TOM1L2: variants seen among roughly 807,000 people sequenced by gnomAD.
TOM1L2 encodes the protein target of myb1 like 2 membrane trafficking protein, also known as TOM1-like protein 2.
In TOM1L2, 31 loss-of-function variants were observed where a neutral mutation model predicts 67.9. The ratio of observed to expected loss-of-function variants is 0.46; its 90% CI spans 0.34 to 0.62. The LOEUF (loss-of-function observed/expected upper bound fraction) is 0.62, where lower values mean the gene tolerates loss of function less well. TOM1L2 is among the 20% of genes least tolerant of loss of function. TOM1L2 has a pLI of 0.01. For synonymous variants in TOM1L2, 256 were observed against 254.0 expected, an observed-to-expected ratio of 1.01 and a Z score of -0.07; for missense variants, 606 against 663.5, an observed-to-expected ratio of 0.91 and a Z score of 0.95.
chr17:17,857,776 T>C (rs1003382197), intron 12 of TOM1L2: 38 of 1,535,484 alleles, frequency 2.5e-5, no homozygotes, highest in Middle Eastern at 1.7e-4. Context: ...CACCATTCCT[T>C]GGGTTATAAG....
intron 2 of TOM1L2, among the ~76,000 whole-genome samples, chr17:17,900,314 G>A (rs1428008258): frequency 6.6e-6 from 1 of 151,722 alleles, no homozygotes; most frequent in Admixed American, 6.6e-5. Context: ...GAGGTCAGGA[G>A]TTCAAGACCA....
At chr17:17,881,260 G>A (rs144000106) in intron 6 of TOM1L2, among the ~76,000 whole-genome samples, 46 of 152,236 alleles carry the variant, frequency 3.0e-4, no homozygotes, top group Middle Eastern at 3.4e-3. Flanking sequence ...GAAGGCCCAG[G>A]AAGGCTATGG....
chr17:17,972,388 C>A lies in TOM1L2; in HGVS notation c.-75G>T. 6.5e-7 allele frequency: 1 copy of A among 1,538,070 alleles called. No homozygotes were observed. Among genetic ancestry groups the A allele is most frequent in the East Asian group, 2.5e-5 (1 of 40,674 alleles). The stretch of plus-strand genomic sequence containing the variant: ...CCTCCGCTGTAACCCGCCGGACTCC[C>A]GTCCTGACTGACACTTGCCCCCTCC... On this transcript the variant is annotated 5_prime_UTR_variant, in exon 1 of 15. Transcript: ENST00000379504.
intron 1 of TOM1L2, among the ~76,000 whole-genome samples, chr17:17,943,993 T>A (rs1382365745): frequency 6.6e-6 from 1 of 152,210 alleles, no homozygotes; most frequent in Non-Finnish European, 1.5e-5. Flanking sequence ...GTGAAGGCAG[T>A]CCTTACTCTG....
At chr17:17,864,564 T>C (rs1162838910) in intron 10 of TOM1L2, among the ~76,000 whole-genome samples, 4 of 151,250 alleles carry the variant, frequency 2.6e-5, no homozygotes, top group African/African-American at 9.7e-5. Flanking sequence ...CAGGCTGCAG[T>C]GCAGTGGCAC....
At chr17:17,871,365 C>T (rs1469580349) in intron 7 of TOM1L2, among the ~76,000 whole-genome samples, 4 of 150,338 alleles carry the variant, frequency 2.7e-5, no homozygotes, top group African/African-American at 9.8e-5. Context: ...AGCGAGACTC[C>T]ATCTCAAAAA....
At chr17:17,871,360 G>T (rs2037145478) in intron 7 of TOM1L2, among the ~76,000 whole-genome samples, 1 of 150,882 alleles carries the variant, frequency 6.6e-6, no homozygotes, top group South Asian at 2.1e-4. Flanking sequence ...GAGAGAGCGA[G>T]ACTCCATCTC....
At position 17,847,569 on chromosome 17, in the gene TOM1L2, C is replaced by T. The variant is rs975208414; in HGVS notation, c.*66G>A. The T allele has an allele frequency of 3.2e-6, 5 of 1,540,000 alleles. No individual in the cohort carries two copies. Among genetic ancestry groups the T allele is most frequent in the Middle Eastern group, 2.3e-4 (1 of 4,276 alleles). ...GTGGAGCTGGGGATGTAGGAGTGGC[C>T]AGTGCCCGGTGTCCACGGGGTGCGA... On this transcript the variant is annotated 3_prime_UTR_variant, in exon 15 of 15. Transcript: ENST00000379504.
intron 1 of TOM1L2, among the ~76,000 whole-genome samples, chr17:17,910,622 C>A (rs979353781): frequency 9.2e-5 from 14 of 151,930 alleles, no homozygotes; most frequent in Admixed American, 6.6e-5. Context: ...CAGGCTGGAG[C>A]GCAATGGTGT....
chr17:17,963,316 T>A (rs887772698), intron 1 of TOM1L2, among the ~76,000 whole-genome samples: 1 of 152,222 alleles, frequency 6.6e-6, no homozygotes, highest in African/African-American at 2.4e-5. Context: ...ACATTCCTAT[T>A]GGTGGAACTA....
At chr17:17,891,784 C>CGTGTGTGTGTGTGTGTGTGT (rs374192888) in intron 4 of TOM1L2, among the ~76,000 whole-genome samples, 37 of 143,216 alleles carry the variant, frequency 2.6e-4, no homozygotes, top group African/African-American at 8.3e-4. Context: ...TGCATGCACA[C>CGTGTGTGTGTGTGTGTGTGT]GTGTGTGTGT....
rs2037794070 is a variant in TOM1L2, at chr17:17,882,772, G to A, written c.593C>T (p.Ala198Val). 1.9e-6 allele frequency: 3 copies of A among 1,614,122 alleles called. No individual in the cohort carries two copies. Among genetic ancestry groups the A allele is most frequent in the East Asian group, 4.5e-5 (2 of 44,906 alleles). The change falls in exon 6 of 15, where the codon GCT becomes GTT. Residue 198 changes from alanine to valine, a missense_variant. By Grantham distance (64) the Ala-to-Val change is moderately conservative. Coordinates refer to ENST00000379504, the MANE Select transcript of TOM1L2 (RefSeq NM_001082968.2). ...TGGGGCCTGCGGTGCGGAGTAGGGA[G>A]CAGGAGGCGGCGAGGAATAGGAACC... ...SAGSYSSPPP[A>V]PYSAPQAPAL...
intron 1 of TOM1L2, among the ~76,000 whole-genome samples, chr17:17,934,759 C>T (rs1364381405): frequency 6.6e-6 from 1 of 152,138 alleles, no homozygotes; most frequent in Non-Finnish European, 1.5e-5. Flanking sequence ...GAACGGCATC[C>T]AAAGCAAGGG....
intron 1 of TOM1L2, among the ~76,000 whole-genome samples, chr17:17,955,098 GTT>G (rs2041373299): frequency 6.6e-6 from 1 of 152,194 alleles, no homozygotes; most frequent in East Asian, 1.9e-4. Flanking sequence ...GGGTGTCATA[GTT>G]AGTCTCTCAT....
rs972660413 is a variant in TOM1L2 at position 17,845,335 on chromosome 17, T to C, written c.*2300A>G. ...GCAGCCAGGCCTCTCCAATGATGCC[T>C]GGCAACCAGCTGGCGCTGGCGCTGG... On this transcript the variant is annotated 3_prime_UTR_variant, in exon 15 of 15. Coordinates refer to ENST00000379504, the MANE Select transcript of TOM1L2 (RefSeq NM_001082968.2). 2 of 152,270 alleles carry C rather than the reference T, an allele frequency of 1.3e-5. No homozygotes were observed. Among genetic ancestry groups the C allele is most frequent in the Non-Finnish European group, 2.9e-5 (2 of 68,056 alleles). The allele number at this position is 152,270 out of a possible 1,614,324, so 9.4% of individuals were successfully genotyped here. A position where few individuals can be genotyped will look rare whatever the true frequency, so the allele number is the denominator to read the frequency against.
chr17:17,909,478 T>A (rs923768295), intron 1 of TOM1L2, among the ~76,000 whole-genome samples: 1 of 151,118 alleles, frequency 6.6e-6, no homozygotes, highest in Non-Finnish European at 1.5e-5. Context: ...TTGTGCTAAG[T>A]GAAATAAGCC....
chr17:17,949,881 AT>A (rs2144882788), intron 1 of TOM1L2, among the ~76,000 whole-genome samples: 1 of 151,654 alleles, frequency 6.6e-6, no homozygotes, highest in South Asian at 2.1e-4. Flanking sequence ...TTATTTATTT[AT>A]TTTTTTGAGA....
chr17:17,850,941 C>G lies in TOM1L2; in HGVS notation c.1290G>C (p.Ala430=), dbSNP rs141301017. ...CAATGTCGTCCATGACAGATGGCTG[C>G]GCAACGGGGATCTATGGAGGCGGCA... ...RKQSSEGIPV[A]QPSVMDDIEV... is the part of the protein sequence containing the mutation. The change falls in exon 13 of 15, where the codon GCG becomes GCC. Residue 430 remains alanine (A), a synonymous_variant. Transcript: ENST00000379504. 48 of 1,613,766 alleles carry G rather than the reference C, an allele frequency of 3.0e-5. No homozygotes were observed. Among genetic ancestry groups the G allele is most frequent in the Admixed American group, 6.7e-5 (4 of 60,010 alleles).
At chr17:17,861,574 A>G (rs776900861) in intron 11 of TOM1L2, 23 bp from the exon 12 acceptor site, 1 of 1,612,146 alleles carries the variant, frequency 6.2e-7, no homozygotes, top group African/African-American at 1.3e-5. Flanking sequence ...AAGCAGCACA[A>G]GCAGAGTTCA....
Sources: allele counts gnomAD v4.1 joint callset (sites outside exome capture counted in the v4.1 genomes callset), GRCh38; gene constraint gnomAD v4.1.1; transcripts MANE v1.5; gene names NCBI Gene and HGNC (gene_info 2026-07-23, HGNC 2026-07-21).